Variants in ATG14 observed in about 807,000 individuals in gnomAD.
ATG14 encodes autophagy related 14.
ATG14 carries 35 observed loss-of-function variants against 60.4 expected under a neutral mutation model. That is an observed-to-expected ratio of 0.58 (90% confidence interval 0.44 to 0.77). The LOEUF (loss-of-function observed/expected upper bound fraction) is 0.77, where lower values mean the gene tolerates loss of function less well. ATG14 is among the 30% of genes least tolerant of loss of function. ATG14 has a pLI of 0.00. For synonymous variants in ATG14, 234 were observed against 228.8 expected (o/e 1.02, Z -0.21); for missense variants, 647 against 626.3 (o/e 1.03, Z -0.35).
At chr14:55,392,912 T>C (rs1594781984) in intron 3 of ATG14, among the ~76,000 whole-genome samples, 1 of 152,122 alleles carries the variant, frequency 6.6e-6, no homozygotes, top group South Asian at 2.1e-4. Context: ...ATATCAGATA[T>C]GACCTATCCT....
intron 1 of ATG14, among the ~76,000 whole-genome samples, chr14:55,407,496 C>T (rs1885509885): frequency 6.6e-6 from 1 of 152,068 alleles, no homozygotes; most frequent in Admixed American, 6.5e-5. Flanking sequence ...CTCTCCTGGC[C>T]TCAAGTGATC....
intron 1 of ATG14, among the ~76,000 whole-genome samples, chr14:55,399,208 G>A (rs1290771745): frequency 6.6e-6 from 1 of 152,022 alleles, no homozygotes; most frequent in Admixed American, 6.5e-5. Context: ...AACAGAAAAA[G>A]CAAATAGGCA....
rs761765075 is a variant in ATG14, at chr14:55,369,905, C to A, written c.1193G>T (p.Arg398Leu). ...TTCCATGGACTCCTCAAGGTCTGCT[C>A]GTACTTCAAAGGGCCCTGACCTGTG... ...HLGRSGPFEV[R>L]ADLEESMEFV... Residue 398 changes from arginine to leucine, a missense_variant, in exon 10 of 10, where the codon CGA (arginine) becomes CTA (leucine). Arg to Leu is a moderately radical substitution (Grantham distance 102). Coordinates refer to ENST00000247178, the MANE Select transcript of ATG14 (RefSeq NM_014924.5). 2 of 1,611,558 alleles carry A rather than the reference C, an allele frequency of 1.2e-6. No individual in the cohort carries two copies. Among genetic ancestry groups the A allele is most frequent in the Non-Finnish European group, 8.5e-7 (1 of 1,178,430 alleles).
intron 1 of ATG14, among the ~76,000 whole-genome samples, chr14:55,404,449 G>T (rs140384674): frequency 6.6e-6 from 1 of 152,114 alleles, no homozygotes; most frequent in Non-Finnish European, 1.5e-5. Flanking sequence ...CCATCATCAC[G>T]TCAATTCAGT....
intron 3 of ATG14, among the ~76,000 whole-genome samples, chr14:55,392,508 G>C (rs1364129128): frequency 6.6e-6 from 1 of 152,050 alleles, no homozygotes; most frequent in African/African-American, 2.4e-5. Context: ...AATTAGCCAG[G>C]TGTGGTGACA....
intron 1 of ATG14, among the ~76,000 whole-genome samples, chr14:55,400,814 G>A (rs562837939): frequency 3.9e-5 from 6 of 152,186 alleles, no homozygotes; most frequent in Middle Eastern, 6.8e-3. Flanking sequence ...TGAGGCAGGA[G>A]AATTGCTTGA....
intron 1 of ATG14, among the ~76,000 whole-genome samples, chr14:55,403,025 T>C (rs1885436014): frequency 7.6e-6 from 1 of 132,262 alleles, no homozygotes; most frequent in Admixed American, 8.1e-5. Context: ...GAGGCTCAGG[T>C]AGGAGGATCA....
At chr14:55,372,909 C>T (rs145412109) in intron 9 of ATG14, among the ~76,000 whole-genome samples, 11 of 152,254 alleles carry the variant, frequency 7.2e-5, no homozygotes, top group African/African-American at 2.6e-4. Flanking sequence ...CAGCTAAGTA[C>T]AATGAAAAGC....
intron 1 of ATG14, among the ~76,000 whole-genome samples, chr14:55,400,200 CAGA>C (rs1258554869): frequency 2.0e-5 from 3 of 152,192 alleles, no homozygotes; most frequent in Admixed American, 6.5e-5. Flanking sequence ...CCACCACTCA[CAGA>C]AGGAGATAAA....
At chr14:55,391,101 G>A in intron 3 of ATG14, 109 bp from the exon 4 acceptor site, 1 of 693,704 alleles carries the variant, frequency 1.4e-6, no homozygotes, top group Non-Finnish European at 2.4e-6. Flanking sequence ...ACATAATGAA[G>A]AAAAAGACCT....
intron 9 of ATG14, among the ~76,000 whole-genome samples, chr14:55,371,318 G>A (rs936690144): frequency 2.6e-5 from 4 of 152,152 alleles, no homozygotes; most frequent in African/African-American, 9.7e-5. Context: ...CACCTCACCA[G>A]GTCTGCACCG....
chr14:55,379,396 G>C (rs1410919859), intron 7 of ATG14, among the ~76,000 whole-genome samples: 2 of 151,890 alleles, frequency 1.3e-5, no homozygotes, highest in African/African-American at 2.4e-5. Context: ...AAAAAAATTA[G>C]CCAGGTGTGG....
intron 9 of ATG14, among the ~76,000 whole-genome samples, chr14:55,370,130 C>A (rs1884781727): frequency 6.6e-6 from 1 of 152,192 alleles, no homozygotes; most frequent in Admixed American, 6.5e-5. Flanking sequence ...TAAATAAAAT[C>A]ATGATACCAC....
intron 4 of ATG14, among the ~76,000 whole-genome samples, chr14:55,390,320 C>T (rs1326499023): frequency 6.6e-6 from 1 of 152,138 alleles, no homozygotes; most frequent in South Asian, 2.1e-4. Context: ...ATCCACTCCC[C>T]TCGGCCTCCC....
intron 1 of ATG14, among the ~76,000 whole-genome samples, chr14:55,399,483 T>G (rs1004151215): frequency 6.6e-6 from 1 of 152,196 alleles, no homozygotes; most frequent in African/African-American, 2.4e-5. Context: ...GATGAACCCA[T>G]AGATTCATCA....
Position 55,369,887 on chromosome 14 carries a change from G to A in ATG14, c.1211C>T (p.Ser404Phe). ...AACTCCGGGATCCACAAATTCCATG[G>A]ACTCCTCAAGGTCTGCTCGTACTTC... ...PFEVRADLEESMEFVDPGVAG... is the reference protein window; with the variant it reads ...PFEVRADLEEFMEFVDPGVAG... Residue 404 changes from serine (S) to phenylalanine (F), a missense_variant, in exon 10 of 10, where the codon TCC becomes TTC. Transcript: ENST00000247178. 2 of 1,613,964 alleles carry A rather than the reference G, an allele frequency of 1.2e-6. No individual in the cohort carries two copies. Among genetic ancestry groups the A allele is most frequent in the Non-Finnish European group, 8.5e-7 (1 of 1,179,928 alleles).
At chr14:55,387,764 G>A (rs1885149598) in intron 4 of ATG14, among the ~76,000 whole-genome samples, 1 of 151,864 alleles carries the variant, frequency 6.6e-6, no homozygotes, top group Non-Finnish European at 1.5e-5. Flanking sequence ...CGCCTCCCGG[G>A]TTCAATTGAT....
chr14:55,403,657 A>G (rs1318965997), intron 1 of ATG14, among the ~76,000 whole-genome samples: 1 of 152,206 alleles, frequency 6.6e-6, no homozygotes, highest in Non-Finnish European at 1.5e-5. Flanking sequence ...ACGTTTAGGT[A>G]TGTTAAATGA....
At chr14:55,378,626 C>T (rs1419771236) in intron 7 of ATG14, among the ~76,000 whole-genome samples, 2 of 152,132 alleles carry the variant, frequency 1.3e-5, no homozygotes, top group African/African-American at 4.8e-5. Context: ...TCCCTCCCTC[C>T]CTCAGTTCCC....
Sources: gnomAD v4.1 joint callset for allele counts (sites outside exome capture counted in the v4.1 genomes callset) on GRCh38, gnomAD v4.1.1 for gene constraint, MANE v1.5 for transcripts, NCBI Gene and HGNC (gene_info 2026-07-23, HGNC 2026-07-21) for gene names.